OGFR: variants seen among roughly 807,000 people sequenced by gnomAD.
OGFR encodes opioid growth factor receptor.
Under a neutral mutation model 33.6 loss-of-function variants are expected in OGFR, and 18 were observed. The observed-to-expected ratio is 0.54, with a 90% CI of 0.37 to 0.80. The LOEUF (loss-of-function observed/expected upper bound fraction) is 0.80. Among genes scored for constraint, OGFR ranks in the 30% least tolerant of loss-of-function variants. OGFR has a pLI of 0.00. For missense variants in OGFR, 877 were observed against 955.8 expected (o/e 0.92, Z 1.09); for synonymous variants, 370 against 400.7 (o/e 0.92, Z 0.91).
At position 62,812,764 on chromosome 20, in the gene OGFR, G is replaced by A. The variant is rs758796572; in HGVS notation, c.1149G>A (p.Lys383=). 2 of 1,611,944 alleles carry A rather than the reference G, an allele frequency of 1.2e-6. No homozygotes were observed. The highest frequency in any genetic ancestry group is 3.3e-5 in the Admixed American group (2 of 59,904). Residue 383 remains lysine (K), a synonymous_variant, in exon 7 of 7, where the codon AAG becomes AAA. Transcript: ENST00000290291. ...RPEPLSPKES[K]KRKLELSRRE... is the part of the protein sequence containing the mutation. The stretch of plus-strand genomic sequence containing the variant: ...AGCCCTTAAGCCCCAAAGAGAGCAA[G>A]AAGAGGAAGCTGGAGCTGAGCCGGC...
chr20:62,812,540 A>G lies in OGFR; in HGVS notation c.925A>G (p.Lys309Glu), dbSNP rs1990754897. 2 of 1,585,668 alleles carry G rather than the reference A, an allele frequency of 1.3e-6. No homozygotes were observed. Among genetic ancestry groups the G allele is most frequent in the African/African-American group, 2.7e-5 (2 of 74,492 alleles). ...SLPHPLEGSR[K>E]VEEEGSPGDP... ...GCCCCATCCGCTCGAGGGCTCCAGG[A>G]AGGTGGAGGAGGAAGGAAGCCCCGG... The change falls in exon 7 of 7, where the codon AAG (lysine) becomes GAG (glutamate). Residue 309 changes from lysine (K) to glutamate (E), a missense_variant. Physicochemically the swap from Lys to Glu is moderately conservative, Grantham distance 56. Coordinates refer to ENST00000290291, the MANE Select transcript of OGFR (RefSeq NM_007346.4).
At chr20:62,810,681 C>A in intron 5 of OGFR, 116 bp downstream of exon 5, 2 of 922,208 alleles carry the variant, frequency 2.2e-6, no homozygotes, top group South Asian at 1.4e-5. Flanking sequence ...CTCAGGGGTC[C>A]CTTGGAAGGC....
Position 62,804,858 on chromosome 20 carries a change from G to A in OGFR, c.-2G>A. The A allele has an allele frequency of 3.4e-6, 5 of 1,450,710 alleles. No individual in the cohort carries two copies. The highest frequency in any genetic ancestry group is 4.6e-6 in the Non-Finnish European group (5 of 1,097,046). The allele number at this position is 1,450,710 out of a possible 1,614,324, so 89.9% of individuals were successfully genotyped here. On this transcript the variant is annotated 5_prime_UTR_variant, in exon 1 of 7. Coordinates refer to ENST00000290291, the MANE Select transcript of OGFR (RefSeq NM_007346.4). ...CCAGCGCGAGCCCCGCCGCCGCCGA[G>A]CATGGACGACCCCGACTGCGACTCC...
chr20:62,810,294 T>TA (rs1313261186), intron 4 of OGFR, among the ~76,000 whole-genome samples: 2 of 152,216 alleles, frequency 1.3e-5, no homozygotes, highest in East Asian at 1.9e-4. Flanking sequence ...GGCTGTGACT[T>TA]ACGCACCACA....
At position 62,809,570 on chromosome 20, in the gene OGFR, C is replaced by T. The variant is rs746927209; in HGVS notation, c.320-15C>T. 6 of 1,610,244 alleles carry T rather than the reference C, an allele frequency of 3.7e-6. No homozygotes were observed. In the South Asian group the frequency reaches 6.6e-5, roughly 18 times the overall value. On this transcript the variant is annotated splice_polypyrimidine_tract_variant and intron_variant, in intron 3 of 6. Transcript: ENST00000290291. ...GGTGGCTGCCACAGCTGACTTGTCC[C>T]CATGGGGCTCCCAGGCTGTTTCATT...
intron 2 of OGFR, 80 bp from the exon 3 acceptor site, chr20:62,808,167 G>A (rs776869612): frequency 1.9e-5 from 21 of 1,089,768 alleles, no homozygotes; most frequent in Admixed American, 6.7e-5. Context: ...TTGCAGATGC[G>A]CCTCCCCGAA....
chr20:62,810,673 C>T (rs1269097552), intron 5 of OGFR, 108 bp downstream of exon 5: 22 of 1,020,992 alleles, frequency 2.2e-5, no homozygotes, highest in East Asian at 7.4e-5. Context: ...GGTGCCCCCT[C>T]AGGGGTCCCT....
chr20:62,810,635 A>G, intron 5 of OGFR, 70 bp downstream of exon 5: 7 of 1,480,040 alleles, frequency 4.7e-6, no homozygotes, highest in Non-Finnish European at 6.6e-6. Context: ...CGCTGCAGAG[A>G]CGGGGTCGCC....
rs750595929 is a variant in OGFR at position 62,811,429 on chromosome 20, G to C, written c.466-33G>C. On this transcript the variant is annotated intron_variant, in intron 5 of 6. Coordinates refer to ENST00000290291, the MANE Select transcript of OGFR (RefSeq NM_007346.4). ...ACTCAGGAACCGGGGCTTCAGGGAT[G>C]GTGCCTGAGCTCTCCAAGGGGGTCT... 8 of 1,606,010 alleles carry C rather than the reference G, an allele frequency of 5.0e-6. 1 individual carries two copies. In the South Asian group the frequency reaches 8.9e-5, roughly 18 times the overall value.
Position 62,804,978 on chromosome 20 carries a change from A to T in OGFR, c.119A>T (p.Asp40Val). ...GGCGCGAGGGACGCGGACGCAGGGG[A>T]CGAGGACGAGGAGTCGGAGGAGCCG... ...AAGARDADAG[D>V]EDEESEEPRA... Residue 40 changes from aspartate to valine, a missense_variant, in exon 1 of 7, where the codon GAC (aspartate) becomes GTC (valine). Asp to Val is a radical substitution (Grantham distance 152). Coordinates refer to ENST00000290291, the MANE Select transcript of OGFR (RefSeq NM_007346.4). 3 of 1,483,922 alleles carry T rather than the reference A, an allele frequency of 2.0e-6. No homozygotes were observed. Among genetic ancestry groups the T allele is most frequent in the Non-Finnish European group, 2.7e-6 (3 of 1,118,580 alleles). 91.9% of individuals were successfully genotyped at this position (1,483,922 alleles called of 1,614,324 possible).
intron 5 of OGFR, 71 bp from the exon 6 acceptor site, chr20:62,811,391 C>T (rs960472259): frequency 9.7e-6 from 15 of 1,552,294 alleles, no homozygotes; most frequent in Admixed American, 5.5e-5. Flanking sequence ...TCGGGACCCA[C>T]GGCCACCCCC....
In OGFR at chr20:62,813,413, G is replaced by A. The variant is rs1990793323; in HGVS notation, c.1798G>A (p.Glu600Lys). Residue 600 changes from glutamate to lysine, a missense_variant, in exon 7 of 7, where the codon GAG becomes AAG. Physicochemically the swap from Glu to Lys is moderately conservative, Grantham distance 56. This residue lies in a region of OGFR where 72 missense variants were observed against 181.8 expected (regional missense o/e 0.40). Transcript: ENST00000290291. The part of the protein sequence containing the change: ...TRDEPAESPS[E>K]TPGPRPAGPA... ...GGATGAGCCAGCCGAGAGCCCATCG[G>A]AGACCCCAGGCCCCCGCCCGGCAGG... 1.9e-6 allele frequency: 3 copies of A among 1,541,780 alleles called. No homozygotes were observed. The highest frequency in any genetic ancestry group is 2.6e-6 in the Non-Finnish European group (3 of 1,157,940).
rs766674737 is a variant in OGFR, at chr20:62,813,630, C to T, written c.2015C>T (p.Ala672Val). ...CAGGACGCAGAGGTGGAGTCTTCTG[C>T]CAAGTCTGGGAAGCCTTAAGGAAAG... ...ELQDAEVESSAKSGKP is the reference protein window; with the variant it reads ...ELQDAEVESSVKSGKP Residue 672 changes from alanine to valine, a missense_variant, in exon 7 of 7, where the codon GCC becomes GTC. Ala to Val is a moderately conservative substitution (Grantham distance 64). Around this residue, in one of 3 missense-constraint regions of OGFR, gnomAD observed 45 missense variants for 38.0 expected, o/e 1.19. Coordinates refer to ENST00000290291, the MANE Select transcript of OGFR (RefSeq NM_007346.4). 3.7e-6 allele frequency: 6 copies of T among 1,612,642 alleles called. No individual in the cohort carries two copies. Among genetic ancestry groups the T allele is most frequent in the South Asian group, 1.1e-5 (1 of 91,066 alleles).
rs761397370 is a variant in OGFR, at chr20:62,812,636, G to T, written c.1021G>T (p.Val341Leu). 3.2e-6 allele frequency: 5 copies of T among 1,560,426 alleles called. No individual in the cohort carries two copies. Among genetic ancestry groups the T allele is most frequent in the Non-Finnish European group, 3.5e-6 (4 of 1,153,354 alleles). Residue 341 changes from valine (V) to leucine (L), a missense_variant, in exon 7 of 7, where the codon GTG (valine) becomes TTG (leucine). This residue lies in a region of OGFR where 760 missense variants were observed against 736.0 expected (regional missense o/e 1.03). Coordinates refer to ENST00000290291, the MANE Select transcript of OGFR (RefSeq NM_007346.4). ...AGAGCATAGCAAGGGTGGGGGCAGG[G>T]TGGACGAGGGGCCCCAGCCACGGAG... ...GPEHSKGGGR[V>L]DEGPQPRSVE...
intron 4 of OGFR, 61 bp from the exon 5 acceptor site, chr20:62,810,438 C>T: frequency 6.4e-7 from 1 of 1,556,250 alleles, no homozygotes; most frequent in East Asian, 2.2e-5. Flanking sequence ...ACAGCGAGCA[C>T]CTGCCCAAGG....
At position 62,813,858 on chromosome 20, in the gene OGFR, G is replaced by A; in HGVS notation, c.*209G>A. The A allele has an allele frequency of 3.3e-6, 2 of 613,852 alleles. No individual in the cohort carries two copies. Among genetic ancestry groups the A allele is most frequent in the East Asian group, 2.8e-5 (1 of 36,212 alleles). The allele number at this position is 613,852 out of a possible 1,614,324, so 38.0% of individuals were successfully genotyped here. On this transcript the variant is annotated 3_prime_UTR_variant, in exon 7 of 7. Transcript: ENST00000290291. ...AAGGCCTGCAGAAGCCTCCTGGCCT[G>A]GCTGTGTCTTCCCCACCCAGCTCTC...
At position 62,811,624 on chromosome 20, in the gene OGFR, G is replaced by GCGGGGGC; in HGVS notation, c.614+15_614+16insGGGGGCC. The GCGGGGGC allele has an allele frequency of 1.9e-6, 3 of 1,551,460 alleles. No individual in the cohort carries two copies. Among genetic ancestry groups the GCGGGGGC allele is most frequent in the Non-Finnish European group, 2.6e-6 (3 of 1,147,358 alleles). ...GAACCTGAACTGGTGAGGCCCGGCT[G>GCGGGGGC]CTCCCGCCCACCCCCACCCCGGCGC... On this transcript the variant is annotated intron_variant, in intron 6 of 6. Coordinates refer to ENST00000290291, the MANE Select transcript of OGFR (RefSeq NM_007346.4).
chr20:62,808,341 C>G lies in OGFR; in HGVS notation c.319+16C>G, dbSNP rs372908493. The G allele has an allele frequency of 1.9e-6, 3 of 1,599,008 alleles. No homozygotes were observed. In the African/African-American group the frequency reaches 4.0e-5, roughly 21 times the overall value. On this transcript the variant is annotated intron_variant, in intron 3 of 6. Transcript: ENST00000290291. Reference sequence around the variant, plus strand: ...CTGCCCAACGGTAGGTGCCTCACAACCACTGGCAGCCGGCGCTTCCATCCT... The same window carrying G: ...CTGCCCAACGGTAGGTGCCTCACAAGCACTGGCAGCCGGCGCTTCCATCCT...
At chr20:62,806,945 C>T (rs1013511082) in intron 1 of OGFR, 3 of 157,168 alleles carry the variant, frequency 1.9e-5, no homozygotes, top group African/African-American at 7.2e-5. Flanking sequence ...GGGCTGGAGG[C>T]TGGAGACTCA....
Sources: gnomAD v4.1 joint callset for allele counts (sites outside exome capture counted in the v4.1 genomes callset) on GRCh38, gnomAD v4.1.1 for gene constraint, gnomAD v4.1.1 regional missense constraint, MANE v1.5 for transcripts, NCBI Gene and HGNC (gene_info 2026-07-23, HGNC 2026-07-21) for gene names.